Variants in CCDC178 observed in about 807,000 individuals in gnomAD.
CCDC178 encodes the protein coiled-coil domain-containing protein 178.
Under a neutral mutation model 117.4 loss-of-function variants are expected in CCDC178, and 126 were observed. The ratio of observed to expected loss-of-function variants is 1.07; its 90% CI spans 0.93 to 1.24. The LOEUF (loss-of-function observed/expected upper bound fraction) is 1.24. Among genes scored for constraint, CCDC178 ranks in the 50% most tolerant of loss-of-function variants. The probability of loss-of-function intolerance (pLI) is 0.00; values close to 1 mark genes in which losing one functional copy is unlikely to be tolerated. For missense variants in CCDC178, 1,030 were observed against 986.9 expected (o/e 1.04, Z -0.59); for synonymous variants, 283 against 313.4 (o/e 0.90, Z 1.02).
intron 20 of CCDC178, among the ~76,000 whole-genome samples, chr18:33,208,662 A>G (rs1244846462): frequency 6.6e-6 from 1 of 152,110 alleles, no homozygotes; most frequent in African/African-American, 2.4e-5. Context: ...TAATCTTTAG[A>G]ATATCTCAGA....
rs139350213 is a variant in CCDC178 at position 33,358,776 on chromosome 18, T to C, written c.349-2430A>G. Among the ~76,000 whole-genome samples, 26 of 151,866 alleles carry C rather than the reference T, an allele frequency of 1.7e-4. 1 individual carries two copies. In the East Asian group the frequency reaches 4.6e-3, roughly 27 times the overall value. ...GCAAAAGTAAAGTGATAAATTTAAT[T>C]ACATTAAAATTAATAAAGTAAAAAG... On this transcript the variant is annotated intron_variant, in intron 6 of 22. Coordinates refer to ENST00000383096, the MANE Select transcript of CCDC178 (RefSeq NM_001105528.4).
chr18:33,098,522 T>C (rs2057577396), intron 20 of CCDC178, among the ~76,000 whole-genome samples: 1 of 152,040 alleles, frequency 6.6e-6, no homozygotes. Context: ...TTATTAAGAA[T>C]TTACTGCAGA....
At chr18:33,004,529 C>A (rs1334832962) in intron 21 of CCDC178, among the ~76,000 whole-genome samples, 1 of 151,798 alleles carries the variant, frequency 6.6e-6, no homozygotes, top group African/African-American at 2.4e-5. Flanking sequence ...AACTATGAAA[C>A]CTGGGGAAAT....
intron 22 of CCDC178, among the ~76,000 whole-genome samples, chr18:32,943,743 T>C (rs2054289745): frequency 6.6e-6 from 1 of 152,194 alleles, no homozygotes; most frequent in Non-Finnish European, 1.5e-5. Flanking sequence ...ATTACAGATA[T>C]TCTGAAATTT....
At chr18:33,193,087 G>A (rs1295301274) in intron 20 of CCDC178, among the ~76,000 whole-genome samples, 3 of 149,852 alleles carry the variant, frequency 2.0e-5, no homozygotes, top group Non-Finnish European at 4.4e-5. Context: ...GTGAAACCCC[G>A]TCTCTACTAA....
chr18:33,164,864 A>G (rs2144397556), intron 20 of CCDC178, among the ~76,000 whole-genome samples: 1 of 152,316 alleles, frequency 6.6e-6, no homozygotes, highest in East Asian at 1.9e-4. Flanking sequence ...AATATTATTT[A>G]CAGTTTGGAC....
At chr18:33,431,989 G>A (rs1403958203) in intron 2 of CCDC178, among the ~76,000 whole-genome samples, 1 of 152,192 alleles carries the variant, frequency 6.6e-6, no homozygotes. Flanking sequence ...TAGCAGCAAA[G>A]GAGGTGACCA....
At chr18:33,002,787 A>G (rs1308972764) in intron 21 of CCDC178, among the ~76,000 whole-genome samples, 4 of 152,092 alleles carry the variant, frequency 2.6e-5, no homozygotes, top group Non-Finnish European at 4.4e-5. Flanking sequence ...CTTTAGCCAA[A>G]CTGAGAAAAA....
chr18:33,181,161 T>C (rs986923316), intron 20 of CCDC178, among the ~76,000 whole-genome samples: 9 of 151,980 alleles, frequency 5.9e-5, no homozygotes, highest in Non-Finnish European at 1.5e-5. Context: ...AAGGCATGAA[T>C]ACATCAACCC....
chr18:33,320,704 C>A (rs1186521416), intron 11 of CCDC178, among the ~76,000 whole-genome samples: 1 of 152,154 alleles, frequency 6.6e-6, no homozygotes, highest in East Asian at 1.9e-4. Context: ...CATCAAGCTA[C>A]CAATGACTTT....
intron 6 of CCDC178, among the ~76,000 whole-genome samples, chr18:33,362,730 G>C (rs118157394): frequency 1.4e-4 from 21 of 151,992 alleles, no homozygotes; most frequent in Non-Finnish European, 2.9e-4. Context: ...TATTTCAAAA[G>C]AAAGCAGATT....
intron 11 of CCDC178, among the ~76,000 whole-genome samples, chr18:33,293,720 C>T (rs1402653075): frequency 1.3e-5 from 2 of 151,946 alleles, no homozygotes; most frequent in African/African-American, 4.8e-5. Flanking sequence ...AGCTTTAACA[C>T]ACCGATGAAT....
At chr18:33,364,728 G>A (rs934151250) in intron 6 of CCDC178, among the ~76,000 whole-genome samples, 26 of 130,014 alleles carry the variant, frequency 2.0e-4, no homozygotes, top group Non-Finnish European at 2.8e-4. Flanking sequence ...TTCTGTTGTC[G>A]CTCCTTTTTT....
chr18:33,144,576 G>A (rs146962781), intron 20 of CCDC178, among the ~76,000 whole-genome samples: 2 of 152,166 alleles, frequency 1.3e-5, no homozygotes, highest in African/African-American at 4.8e-5. Flanking sequence ...AGAATGAAGT[G>A]ACTGACCACA....
chr18:33,305,727 A>C (rs2062239062), intron 11 of CCDC178, among the ~76,000 whole-genome samples: 2 of 152,162 alleles, frequency 1.3e-5, no homozygotes, highest in Non-Finnish European at 2.9e-5. Context: ...CCCTCTTCCC[A>C]GAAATACTTC....
At chr18:33,030,227 T>C (rs2056308706) in intron 21 of CCDC178, among the ~76,000 whole-genome samples, 1 of 152,084 alleles carries the variant, frequency 6.6e-6, no homozygotes, top group Non-Finnish European at 1.5e-5. Flanking sequence ...AAAATGCCTC[T>C]CTTTATGCTA....
Position 33,306,839 on chromosome 18 carries a change from C to T in CCDC178, c.1023-13527G>A, listed in dbSNP as rs529568079. Among the ~76,000 whole-genome samples, 15 of 152,042 alleles carry T rather than the reference C, an allele frequency of 9.9e-5. No individual in the cohort carries two copies. The South Asian group carries it at 1.0e-3, about 11-fold the overall frequency. ...GGTAATTTAATCATTGGGGTGGTTT[C>T]CTTCATGATATTCTCATGATAATAA... On this transcript the variant is annotated intron_variant, in intron 11 of 22. Transcript: ENST00000383096.
At chr18:33,286,917 G>A (rs1307242200) in intron 12 of CCDC178, among the ~76,000 whole-genome samples, 2 of 152,032 alleles carry the variant, frequency 1.3e-5, no homozygotes, top group Admixed American at 1.3e-4. Flanking sequence ...TCTGAACCTT[G>A]GGAGTAGACA....
At chr18:33,272,885 G>T (rs946095868) in intron 12 of CCDC178, among the ~76,000 whole-genome samples, 1 of 150,688 alleles carries the variant, frequency 6.6e-6, no homozygotes, top group African/African-American at 2.4e-5. Flanking sequence ...AACAATAAAG[G>T]GAAATTTTCT....
Sources: gnomAD v4.1 joint callset for allele counts (sites outside exome capture counted in the v4.1 genomes callset) on GRCh38, gnomAD v4.1.1 for gene constraint, MANE v1.5 for transcripts, NCBI Gene and HGNC (gene_info 2026-07-23, HGNC 2026-07-21) for gene names.